Variants in KLHL1 observed in about 807,000 individuals in gnomAD.
The protein encoded by KLHL1 is kelch like family member 1.
A neutral mutation model predicts 77.7 loss-of-function variants in KLHL1; 47 were observed. That is an observed-to-expected ratio of 0.60 (90% CI 0.48 to 0.77). The LOEUF (loss-of-function observed/expected upper bound fraction) is 0.77. Among genes scored for constraint, KLHL1 ranks in the 30% least tolerant of loss-of-function variants. The probability of loss-of-function intolerance (pLI) is 0.00; values close to 1 mark genes in which losing one functional copy is unlikely to be tolerated. For missense variants in KLHL1, 925 were observed against 910.8 expected, an observed-to-expected ratio of 1.02 and a Z score of -0.20; for synonymous variants, 360 against 325.2, an observed-to-expected ratio of 1.11 and a Z score of -1.15.
chr13:70,069,230 C>A lies in KLHL1; in HGVS notation c.497+37973G>T, dbSNP rs578188818. On this transcript the variant is annotated intron_variant, in intron 1 of 10. Coordinates refer to ENST00000377844, the MANE Select transcript of KLHL1 (RefSeq NM_020866.3). ...CTGTATAATAAAAAGGAGATTACAG[C>A]TAACAAACACTGAAAGCCTTTGACA... Among the ~76,000 whole-genome samples the A allele has an allele frequency of 3.2e-4, 49 of 152,184 alleles. 1 individual carries two copies. Among genetic ancestry groups the A allele is most frequent in the South Asian group, 2.1e-3 (10 of 4,822 alleles).
chr13:70,044,110 C>T (rs1566527455), intron 1 of KLHL1, among the ~76,000 whole-genome samples: 1 of 152,112 alleles, frequency 6.6e-6, no homozygotes, highest in Non-Finnish European at 1.5e-5. Flanking sequence ...ATCCATAGAG[C>T]CCTATGTTAC....
chr13:69,956,768 A>G (rs17085776), intron 3 of KLHL1, among the ~76,000 whole-genome samples: 19,468 of 151,602 alleles, frequency 0.13, 1,944 homozygotes, highest in East Asian at 0.29. Flanking sequence ...TATTAATTTA[A>G]AACAGACCAA....
intron 4 of KLHL1, among the ~76,000 whole-genome samples, chr13:69,902,272 G>A (rs1881894182): frequency 6.6e-6 from 1 of 152,078 alleles, no homozygotes; most frequent in Non-Finnish European, 1.5e-5. Flanking sequence ...GTTCAACATG[G>A]GCTGGTCTTA....
chr13:69,884,727 G>A (rs1464318490), intron 4 of KLHL1, among the ~76,000 whole-genome samples: 1 of 152,000 alleles, frequency 6.6e-6, no homozygotes, highest in Admixed American at 6.5e-5. Flanking sequence ...AAGAATAATT[G>A]CACTTCTCCT....
At chr13:70,009,363 T>C (rs1885477648) in intron 1 of KLHL1, among the ~76,000 whole-genome samples, 1 of 152,150 alleles carries the variant, frequency 6.6e-6, no homozygotes, top group Non-Finnish European at 1.5e-5. Flanking sequence ...ACACTAGGTG[T>C]TGCATAGGTA....
intron 7 of KLHL1, among the ~76,000 whole-genome samples, chr13:69,751,112 ATGTGTG>A (rs56689981): frequency 0.018 from 2,576 of 141,026 alleles, 20 homozygotes; most frequent in Middle Eastern, 0.032. Context: ...TCATGTGTGT[ATGTGTG>A]TGTGTGTGTG....
intron 7 of KLHL1, among the ~76,000 whole-genome samples, chr13:69,787,317 G>A (rs1390387124): frequency 6.6e-6 from 1 of 152,076 alleles, no homozygotes; most frequent in African/African-American, 2.4e-5. Context: ...CAGAAATATA[G>A]ATCCATGGAA....
chr13:69,941,889 T>C (rs988058533), intron 3 of KLHL1, among the ~76,000 whole-genome samples: 1 of 151,856 alleles, frequency 6.6e-6, no homozygotes, highest in Non-Finnish European at 1.5e-5. Flanking sequence ...CCTGGAAATA[T>C]ACAATCCCCC....
chr13:69,937,837 C>T (rs1883232957), intron 4 of KLHL1, among the ~76,000 whole-genome samples: 1 of 152,130 alleles, frequency 6.6e-6, no homozygotes, highest in Non-Finnish European at 1.5e-5. Context: ...AAATTAAAGT[C>T]TGGGTAGACC....
At chr13:69,765,366 A>G (rs114474459) in intron 7 of KLHL1, among the ~76,000 whole-genome samples, 1,813 of 152,272 alleles carry the variant, frequency 0.012, 27 homozygotes, top group African/African-American at 0.04. Context: ...ATACTAATAG[A>G]TATCTTATAC....
At chr13:70,055,206 A>G (rs1417729915) in intron 1 of KLHL1, among the ~76,000 whole-genome samples, 4 of 152,128 alleles carry the variant, frequency 2.6e-5, no homozygotes, top group Non-Finnish European at 5.9e-5. Flanking sequence ...AGGAGCTGCA[A>G]TACATCCGGC....
intron 1 of KLHL1, among the ~76,000 whole-genome samples, chr13:69,991,186 C>A (rs183152344): frequency 6.6e-6 from 1 of 151,830 alleles, no homozygotes; most frequent in South Asian, 2.1e-4. Flanking sequence ...GTACTAAACA[C>A]CCATATATAA....
chr13:69,869,264 A>G (rs959367065), intron 5 of KLHL1, among the ~76,000 whole-genome samples: 1 of 152,116 alleles, frequency 6.6e-6, no homozygotes, highest in Non-Finnish European at 1.5e-5. Context: ...TCATATGGAA[A>G]GTAAATAAAA....
intron 3 of KLHL1, among the ~76,000 whole-genome samples, chr13:69,959,902 CCCTT>C (rs1188405810): frequency 3.3e-5 from 5 of 151,960 alleles, no homozygotes; most frequent in Non-Finnish European, 7.4e-5. Flanking sequence ...TAAAAATCCT[CCCTT>C]CCTTCGTTTC....
intron 7 of KLHL1, among the ~76,000 whole-genome samples, chr13:69,775,156 C>T (rs1213112024): frequency 6.6e-6 from 1 of 152,054 alleles, no homozygotes; most frequent in African/African-American, 2.4e-5. Flanking sequence ...ACAGGCAGGA[C>T]TAAGTGCCTG....
At chr13:69,775,958 C>T (rs1875807441) in intron 7 of KLHL1, among the ~76,000 whole-genome samples, 1 of 151,728 alleles carries the variant, frequency 6.6e-6, no homozygotes, top group Admixed American at 6.6e-5. Flanking sequence ...CGAGAACATC[C>T]TGGCTAACAT....
At chr13:69,821,651 A>G (rs1878341511) in intron 6 of KLHL1, among the ~76,000 whole-genome samples, 1 of 152,126 alleles carries the variant, frequency 6.6e-6, no homozygotes, top group South Asian at 2.1e-4. Flanking sequence ...TCATTTTTAG[A>G]AAGAAATTAA....
chr13:69,867,711 A>AATT (rs1180107222), intron 5 of KLHL1, among the ~76,000 whole-genome samples: 1 of 151,930 alleles, frequency 6.6e-6, no homozygotes, highest in Non-Finnish European at 1.5e-5. Context: ...AAATATTTTA[A>AATT]ATTATCACAA....
At chr13:69,931,757 T>G (rs2138282673) in intron 4 of KLHL1, among the ~76,000 whole-genome samples, 1 of 151,676 alleles carries the variant, frequency 6.6e-6, no homozygotes, top group African/African-American at 2.4e-5. Context: ...AGACACTGAG[T>G]AGAAAATAAA....
Sources: gnomAD v4.1 joint callset for allele counts (sites outside exome capture counted in the v4.1 genomes callset) on GRCh38, gnomAD v4.1.1 for gene constraint, MANE v1.5 for transcripts, NCBI Gene and HGNC (gene_info 2026-07-23, HGNC 2026-07-21) for gene names.